The following MYT1L variants were observed in gnomAD, a reference collection of about 807,000 sequenced individuals.
MYT1L encodes the protein myelin transcription factor 1-like protein.
A neutral mutation model predicts 126.7 loss-of-function variants in MYT1L; 12 were observed. That is an observed-to-expected ratio of 0.09 (90% CI 0.06 to 0.15). MYT1L has a LOEUF of 0.15. Ranked by LOEUF, MYT1L falls within the 10% of genes least tolerant of loss-of-function variation. MYT1L has a pLI of 1.00. For synonymous variants in MYT1L, 541 were observed against 604.2 expected (o/e 0.90, Z 1.53); for missense variants, 979 against 1,585.2 (o/e 0.62, Z 6.49).
intron 2 of MYT1L, among the ~76,000 whole-genome samples, chr2:2,246,548 T>G (rs989941273): frequency 2.1e-4 from 32 of 152,322 alleles, no homozygotes; most frequent in Admixed American, 1.3e-3. Context: ...GGCCTTTTCT[T>G]GTCCTGCCTT....
intron 8 of MYT1L, among the ~76,000 whole-genome samples, chr2:1,971,489 G>T (rs1025775288): frequency 4.6e-5 from 7 of 152,208 alleles, no homozygotes; most frequent in Non-Finnish European, 1.0e-4. Flanking sequence ...CCAGCACTTT[G>T]GGAGGCTGAG....
In MYT1L at chr2:1,849,441, CTG is replaced by C. The variant is rs377547293; in HGVS notation, c.2774+2198_2774+2199del. Among the ~76,000 whole-genome samples, 154 of 152,326 alleles carry C rather than the reference CTG, an allele frequency of 1.0e-3. 2 individuals carry two copies. The highest frequency in any genetic ancestry group is 3.5e-3 in the African/African-American group (145 of 41,560). ...GTTCTACCAAATGTGGTGGCTGTTT[CTG>C]TGCTGCCTGGTGAAGCCACATCAAT... is the stretch of plus-strand genomic sequence containing the variant. On this transcript the variant is annotated intron_variant, in intron 19 of 24. Transcript: ENST00000647738.
rs534079802 is a variant in MYT1L at position 2,318,176 on chromosome 2, C to A, written c.-521+12791G>T. Among the ~76,000 whole-genome samples the A allele has an allele frequency of 2.0e-5, 3 of 152,318 alleles. No individual in the cohort carries two copies. In the South Asian group the frequency reaches 6.2e-4, roughly 32 times the overall value. ...AGCATGAAATTTACACTATCATTGA[C>A]TCTACTACTCCTTACACAACTTCTG... On this transcript the variant is annotated intron_variant, in intron 1 of 24. Transcript: ENST00000647738.
chr2:1,813,898 G>C lies in MYT1L; in HGVS notation c.3081-4731C>G, dbSNP rs1459557045. 5.3e-5 allele frequency among the ~76,000 whole-genome samples: 6 copies of C among 112,468 alleles called. 1 individual carries two copies. The highest frequency in any genetic ancestry group is 2.0e-4 in the Admixed American group (2 of 10,108). The allele number at this position is 112,468 out of a possible 152,430, so 73.8% of individuals were successfully genotyped here. A position where few individuals can be genotyped will look rare whatever the true frequency, so the allele number is the denominator to read the frequency against. The stretch of plus-strand genomic sequence containing the variant: ...AAAAATTAGCCGGGCGTGGTAGCGG[G>C]CGCCTGTAGTCCCAGCTACTCGGGA... On this transcript the variant is annotated intron_variant, in intron 21 of 24. Coordinates refer to ENST00000647738, the MANE Select transcript of MYT1L (RefSeq NM_001303052.2).
chr2:2,292,987 T>C (rs1037021449), intron 1 of MYT1L, among the ~76,000 whole-genome samples: 1 of 152,124 alleles, frequency 6.6e-6, no homozygotes, highest in Non-Finnish European at 1.5e-5. Flanking sequence ...CTGTCTTGCA[T>C]GTTTATGTTT....
At chr2:2,186,256 C>T (rs969044877) in intron 2 of MYT1L, among the ~76,000 whole-genome samples, 6 of 150,388 alleles carry the variant, frequency 4.0e-5, no homozygotes, top group South Asian at 2.1e-4. Context: ...CCAGGCCTTC[C>T]GGGCCTTCCC....
chr2:2,164,694 C>G (rs1179872040), intron 3 of MYT1L, among the ~76,000 whole-genome samples: 1 of 152,202 alleles, frequency 6.6e-6, no homozygotes, highest in Non-Finnish European at 1.5e-5. Context: ...TTGTGACATT[C>G]TGCAACGTGC....
chr2:1,863,675 C>T (rs888081314), intron 18 of MYT1L, among the ~76,000 whole-genome samples: 4 of 150,114 alleles, frequency 2.7e-5, no homozygotes, highest in South Asian at 4.2e-4. Context: ...CGGTATGTGC[C>T]GATTGTATTC....
rs370000258 is a variant in MYT1L at position 2,219,718 on chromosome 2, C to A, written c.-420-46730G>T. Among the ~76,000 whole-genome samples, 4 of 152,274 alleles carry A rather than the reference C, an allele frequency of 2.6e-5. No individual in the cohort carries two copies. In the East Asian group the frequency reaches 5.8e-4, roughly 22 times the overall value. On this transcript the variant is annotated intron_variant, in intron 2 of 24. Transcript: ENST00000647738. ...GTTCCAAGTTGCTAGCCAGTCAGGACAAATACGGAATGTGAGGTCCTGTTC... is the reference window on the plus strand; with the variant it reads ...GTTCCAAGTTGCTAGCCAGTCAGGAAAAATACGGAATGTGAGGTCCTGTTC...
intron 3 of MYT1L, among the ~76,000 whole-genome samples, chr2:2,062,399 G>A (rs766369947): frequency 8.5e-5 from 13 of 152,114 alleles, no homozygotes; most frequent in Admixed American, 2.0e-4. Flanking sequence ...TCAGGGAGCC[G>A]TCCGTGTCCT....
intron 3 of MYT1L, among the ~76,000 whole-genome samples, chr2:2,097,015 C>T (rs1304314686): frequency 6.6e-6 from 1 of 152,134 alleles, no homozygotes; most frequent in Non-Finnish European, 1.5e-5. Flanking sequence ...CTTGTGGTCC[C>T]AGTCTCCCTT....
At chr2:2,327,306 A>G (rs1476082923) in intron 1 of MYT1L, among the ~76,000 whole-genome samples, 1 of 152,118 alleles carries the variant, frequency 6.6e-6, no homozygotes, top group African/African-American at 2.4e-5. Flanking sequence ...TTTTGTCTTC[A>G]GTTTTGTTTG....
intron 3 of MYT1L, among the ~76,000 whole-genome samples, chr2:2,070,556 A>G (rs2074482343): frequency 6.6e-6 from 1 of 152,190 alleles, no homozygotes; most frequent in African/African-American, 2.4e-5. Flanking sequence ...TGTTGACCCA[A>G]TTCGCTTTAC....
intron 1 of MYT1L, among the ~76,000 whole-genome samples, chr2:2,296,973 C>G (rs1426392598): frequency 7.2e-5 from 11 of 152,218 alleles, no homozygotes; most frequent in Non-Finnish European, 1.5e-5. Flanking sequence ...CCAACACCCC[C>G]TTCCCAGGTT....
At chr2:1,861,903 T>C in intron 18 of MYT1L, among the ~76,000 whole-genome samples, 1 of 152,292 alleles carries the variant, frequency 6.6e-6, no homozygotes, top group Admixed American at 6.5e-5. Context: ...TCCTACAGCC[T>C]GTGTAATCCT....
Position 1,943,459 on chromosome 2 carries a change from G to T in MYT1L, c.153-125C>A. 1 of 1,110,062 alleles carries T rather than the reference G, an allele frequency of 9.0e-7. No homozygotes were observed. The allele number at this position is 1,110,062 out of a possible 1,614,324, so 68.8% of individuals were successfully genotyped here. A position where few individuals can be genotyped will look rare whatever the true frequency, so the allele number is the denominator to read the frequency against. On this transcript the variant is annotated intron_variant, in intron 8 of 24. Coordinates refer to ENST00000647738, the MANE Select transcript of MYT1L (RefSeq NM_001303052.2). The surrounding 1 kb of genome is among the most constrained non-coding windows in gnomAD (Gnocchi z 4.4). ...TAAAGGCTTATCATGAATGTCATCA[G>T]CACAAACACCAGAGAGACATAACAT... is the stretch of plus-strand genomic sequence containing the variant.
intron 18 of MYT1L, among the ~76,000 whole-genome samples, chr2:1,873,781 A>T (rs565018986): frequency 1.3e-5 from 2 of 152,318 alleles, no homozygotes; most frequent in South Asian, 4.1e-4. Flanking sequence ...TAAGAATAGA[A>T]AAACTCGACA....
chr2:1,978,103 T>C (rs533982811), intron 8 of MYT1L, among the ~76,000 whole-genome samples: 102 of 152,294 alleles, frequency 6.7e-4, no homozygotes, highest in Admixed American at 6.6e-3. Flanking sequence ...AGAATGGGGA[T>C]TTGGGAGTAA....
intron 3 of MYT1L, among the ~76,000 whole-genome samples, chr2:2,104,481 G>T (rs2078494256): frequency 6.6e-6 from 1 of 152,256 alleles, no homozygotes; most frequent in Non-Finnish European, 1.5e-5. Context: ...TTTAGTAAGT[G>T]GGTCAGCACT....
Sources: gnomAD v4.1 joint callset for allele counts (sites outside exome capture counted in the v4.1 genomes callset) on GRCh38, gnomAD v4.1.1 for gene constraint, Gnocchi (gnomAD v3.1) non-coding constraint, MANE v1.5 for transcripts, NCBI Gene and HGNC (gene_info 2026-07-23, HGNC 2026-07-21) for gene names.